The following PRKN variants were observed in gnomAD, a reference collection of about 807,000 sequenced individuals.
The protein encoded by PRKN is parkin RBR E3 ubiquitin protein ligase.
A neutral mutation model predicts 59.5 loss-of-function variants in PRKN; 56 were observed. That is an observed-to-expected ratio of 0.94 (90% CI 0.76 to 1.18). The LOEUF is 1.18. Ranked by LOEUF, PRKN falls within the 50% of genes most tolerant of loss-of-function variation. PRKN has a pLI of 0.00. For missense variants in PRKN, 657 were observed against 596.4 expected (o/e 1.10, Z -1.06); for synonymous variants, 250 against 222.1 (o/e 1.13, Z -1.12).
chr6:161,803,069 T>C (rs1791156855), intron 6 of PRKN, among the ~76,000 whole-genome samples: 1 of 152,104 alleles, frequency 6.6e-6, no homozygotes. Context: ...AAACCACTCT[T>C]CAATTGGGAC....
At chr6:161,894,283 T>C (rs984982229) in intron 6 of PRKN, among the ~76,000 whole-genome samples, 10 of 152,242 alleles carry the variant, frequency 6.6e-5, no homozygotes, top group Admixed American at 5.9e-4. Flanking sequence ...ACTGATTTCA[T>C]GCGAGTCTCA....
At chr6:162,689,677 G>A (rs927931550) in intron 1 of PRKN, among the ~76,000 whole-genome samples, 1 of 152,138 alleles carries the variant, frequency 6.6e-6, no homozygotes, top group African/African-American at 2.4e-5. Context: ...CCAGGAAAAG[G>A]AACACCATCC....
At chr6:162,033,462 G>A (rs1185568660) in intron 5 of PRKN, among the ~76,000 whole-genome samples, 1 of 152,080 alleles carries the variant, frequency 6.6e-6, no homozygotes, top group East Asian at 1.9e-4. Flanking sequence ...TTATATATAT[G>A]TGCCTTAGTT....
chr6:161,752,867 T>A (rs949238915), intron 7 of PRKN, among the ~76,000 whole-genome samples: 7 of 152,026 alleles, frequency 4.6e-5, no homozygotes, highest in African/African-American at 1.7e-4. Context: ...ATATTCCAGG[T>A]ACTTTGGGAG....
intron 7 of PRKN, among the ~76,000 whole-genome samples, chr6:161,604,170 C>T (rs889896898): frequency 2.0e-5 from 3 of 151,404 alleles, no homozygotes; most frequent in South Asian, 2.1e-4. Context: ...TGATAAGCTA[C>T]GTTAATATAG....
At position 161,544,988 on chromosome 6, in the gene PRKN, C is replaced by T. The variant is rs111828404; in HGVS notation, c.1083+3866G>A. Reference sequence around the variant, plus strand: ...ATATACAACAGAAACCACAGCTGTGCGGAAGACCACCCAGGTACATGGTCG... The same window carrying T: ...ATATACAACAGAAACCACAGCTGTGTGGAAGACCACCCAGGTACATGGTCG... On this transcript the variant is annotated intron_variant, in intron 9 of 11. Transcript: ENST00000366898. This position sits in a 1 kb window ranked among gnomAD's most constrained non-coding sequence, Gnocchi z 5.5. 9 of 207,072 alleles carry T rather than the reference C, an allele frequency of 4.3e-5. No individual in the cohort carries two copies. The highest frequency in any genetic ancestry group is 3.8e-4 in the South Asian group (3 of 7,916). 12.8% of individuals were successfully genotyped at this position (207,072 alleles called of 1,614,324 possible).
At chr6:161,387,653 AT>A (rs754479663) in intron 9 of PRKN, among the ~76,000 whole-genome samples, 1 of 152,326 alleles carries the variant, frequency 6.6e-6, no homozygotes, top group South Asian at 2.1e-4. Flanking sequence ...TTCACAGAAG[AT>A]TTATATGCCC....
chr6:161,406,819 T>G (rs1787299230), intron 9 of PRKN, among the ~76,000 whole-genome samples: 1 of 152,152 alleles, frequency 6.6e-6, no homozygotes, highest in Admixed American at 6.5e-5. Flanking sequence ...AATCTGGAAT[T>G]TGCAAATCTG....
chr6:161,989,928 T>C (rs1781580368), intron 5 of PRKN, among the ~76,000 whole-genome samples: 2 of 152,108 alleles, frequency 1.3e-5, no homozygotes, highest in South Asian at 2.1e-4. Context: ...TCTACCCATA[T>C]GCATCACCTG....
At chr6:161,780,623 A>T (rs2128205631) in intron 7 of PRKN, among the ~76,000 whole-genome samples, 1 of 152,346 alleles carries the variant, frequency 6.6e-6, no homozygotes, top group East Asian at 1.9e-4. Context: ...TCCTTCAAAG[A>T]AACTATTAAT....
chr6:162,071,494 C>T (rs994759035), intron 4 of PRKN, among the ~76,000 whole-genome samples: 4 of 46,632 alleles, frequency 8.6e-5, no homozygotes, highest in Non-Finnish European at 8.0e-5. Context: ...TCTGGTTCTC[C>T]AAAAGTTCCA....
At chr6:162,578,354 T>C (rs1053991102) in intron 1 of PRKN, among the ~76,000 whole-genome samples, 3 of 152,200 alleles carry the variant, frequency 2.0e-5, no homozygotes, top group African/African-American at 7.2e-5. Context: ...TGTGTGCATA[T>C]ATGCGCATGC....
chr6:161,732,208 C>T (rs1397732330), intron 7 of PRKN, among the ~76,000 whole-genome samples: 1 of 151,796 alleles, frequency 6.6e-6, no homozygotes, highest in Non-Finnish European at 1.5e-5. Context: ...TGCCTCAGCT[C>T]CCTGAGTAGC....
rs996819620 is a variant in PRKN, at chr6:161,410,786, T to C, written c.1084-23909A>G. Among the ~76,000 whole-genome samples, 1 of 152,076 alleles carries C rather than the reference T, an allele frequency of 6.6e-6. No individual in the cohort carries two copies. The highest frequency in any genetic ancestry group is 2.4e-5 in the African/African-American group (1 of 41,392). ...CATGACAACGGCACGCCAAGGGGCT[T>C]GATGGCAGCAGCCTCAGGTATGGGC... On this transcript the variant is annotated intron_variant, in intron 9 of 11. Coordinates refer to ENST00000366898, the MANE Select transcript of PRKN (RefSeq NM_004562.3). This position sits in a 1 kb window ranked among gnomAD's most constrained non-coding sequence, Gnocchi z 5.3.
At chr6:161,771,082 C>T (rs1789655508) in intron 7 of PRKN, among the ~76,000 whole-genome samples, 2 of 151,106 alleles carry the variant, frequency 1.3e-5, no homozygotes, top group African/African-American at 4.9e-5. Context: ...GATGGCCGGG[C>T]GCAGTGGCTC....
intron 1 of PRKN, among the ~76,000 whole-genome samples, chr6:162,553,520 G>A (rs1447168043): frequency 7.5e-5 from 10 of 132,632 alleles, no homozygotes; most frequent in Non-Finnish European, 1.6e-4. Flanking sequence ...CAGTGTCCTC[G>A]GTTTACCCAA....
chr6:162,387,555 C>CACAGAGAG (rs1212726833), intron 2 of PRKN, among the ~76,000 whole-genome samples: 4 of 95,578 alleles, frequency 4.2e-5, no homozygotes, highest in Admixed American at 2.4e-4. Flanking sequence ...CACACACACA[C>CACAGAGAG]AGAGAGAGAG....
At chr6:162,657,399 C>A (rs999044920) in intron 1 of PRKN, among the ~76,000 whole-genome samples, 3 of 152,112 alleles carry the variant, frequency 2.0e-5, no homozygotes, top group African/African-American at 4.8e-5. Context: ...TATTAACAAA[C>A]TTCCTTAAAA....
chr6:161,919,070 G>A (rs1184170995), intron 6 of PRKN, among the ~76,000 whole-genome samples: 2 of 152,178 alleles, frequency 1.3e-5, no homozygotes, highest in Non-Finnish European at 2.9e-5. Flanking sequence ...AGATCCACAC[G>A]AAGAGTTTTA....
Sources: allele counts gnomAD v4.1 joint callset (sites outside exome capture counted in the v4.1 genomes callset), GRCh38; gene constraint gnomAD v4.1.1; non-coding constraint Gnocchi (gnomAD v3.1); transcripts MANE v1.5; gene names NCBI Gene and HGNC (gene_info 2026-07-23, HGNC 2026-07-21).